INPP4B: variants seen among roughly 807,000 people sequenced by gnomAD.
INPP4B encodes inositol polyphosphate 4-phosphatase type II.
In INPP4B, 55 loss-of-function variants were observed where a neutral mutation model predicts 122.5. The ratio of observed to expected loss-of-function variants is 0.45; its 90% CI spans 0.36 to 0.56. INPP4B has a LOEUF of 0.56. INPP4B is among the 20% of genes least tolerant of loss of function. The probability of loss-of-function intolerance (pLI) is 0.00; values close to 1 mark genes in which losing one functional copy is unlikely to be tolerated. For missense variants in INPP4B, 1,000 were observed against 1,097.7 expected (o/e 0.91, Z 1.26); for synonymous variants, 403 against 388.7 (o/e 1.04, Z -0.43).
intron 7 of INPP4B, among the ~76,000 whole-genome samples, chr4:142,333,010 CA>C (rs1158290884): frequency 0.055 from 2,380 of 43,372 alleles, 72 homozygotes; most frequent in African/African-American, 0.16. Context: ...GACTCCGTCT[CA>C]AAAAAAAAAA....
At chr4:142,364,528 T>C (rs1033037443) in intron 7 of INPP4B, among the ~76,000 whole-genome samples, 13 of 152,016 alleles carry the variant, frequency 8.6e-5, no homozygotes, top group Admixed American at 6.6e-4. Context: ...ATCTTCCCTG[T>C]GTCCATCTAA....
chr4:142,314,425 A>C (rs1486609373), intron 8 of INPP4B, among the ~76,000 whole-genome samples: 1 of 152,148 alleles, frequency 6.6e-6, no homozygotes, highest in Non-Finnish European at 1.5e-5. Context: ...GTTGGTCCAG[A>C]AATCTTGGCT....
In INPP4B at chr4:142,667,370, G is replaced by A. The variant is rs569459713; in HGVS notation, c.-191+58469C>T. ...CTTCCACCATCATGTACCTCTTGAT[G>A]CTAGCAGAATATGGCTCCATAAAGT... On this transcript the variant is annotated intron_variant, in intron 2 of 25. Coordinates refer to ENST00000262992, the MANE Select transcript of INPP4B (RefSeq NM_001101669.3). 1.1e-4 allele frequency among the ~76,000 whole-genome samples: 17 copies of A among 152,244 alleles called. No homozygotes were observed. In the East Asian group the frequency reaches 1.9e-3, roughly 17 times the overall value.
At chr4:142,422,620 C>T (rs1807179220) in intron 5 of INPP4B, among the ~76,000 whole-genome samples, 1 of 151,932 alleles carries the variant, frequency 6.6e-6, no homozygotes, top group Admixed American at 6.6e-5. Flanking sequence ...ACCTGGGCAA[C>T]ATAGTGAGAA....
At chr4:142,047,891 G>A (rs945731692) in intron 25 of INPP4B, among the ~76,000 whole-genome samples, 1 of 152,012 alleles carries the variant, frequency 6.6e-6, no homozygotes, top group Non-Finnish European at 1.5e-5. Context: ...CTGCCACTGT[G>A]GCTGCTGTTG....
chr4:142,613,865 A>G (rs1743100783), intron 2 of INPP4B, among the ~76,000 whole-genome samples: 2 of 152,182 alleles, frequency 1.3e-5, no homozygotes. Flanking sequence ...TTATTTGCAA[A>G]TGGTAAGTCC....
intron 2 of INPP4B, among the ~76,000 whole-genome samples, chr4:142,567,581 G>C (rs1731906171): frequency 6.6e-6 from 1 of 152,070 alleles, no homozygotes; most frequent in Admixed American, 6.5e-5. Flanking sequence ...TGAAAATGTT[G>C]AATAAATATA....
At chr4:142,312,333 C>T (rs894478569) in intron 8 of INPP4B, among the ~76,000 whole-genome samples, 3 of 152,030 alleles carry the variant, frequency 2.0e-5, no homozygotes, top group Admixed American at 6.6e-5. Context: ...GGAAGGTGTC[C>T]GATTTCAGAG....
intron 10 of INPP4B, among the ~76,000 whole-genome samples, chr4:142,264,002 A>G (rs902451409): frequency 1.3e-5 from 2 of 152,014 alleles, no homozygotes; most frequent in African/African-American, 4.8e-5. Flanking sequence ...AGAAGTAATG[A>G]AGTTCCCAGG....
intron 17 of INPP4B, among the ~76,000 whole-genome samples, chr4:142,152,985 T>C (rs866005193): frequency 7.9e-5 from 12 of 152,328 alleles, no homozygotes; most frequent in Admixed American, 3.3e-4. Context: ...AAAACTATAC[T>C]ATAAGAAGTT....
intron 2 of INPP4B, among the ~76,000 whole-genome samples, chr4:142,463,003 T>A (rs1343234577): frequency 6.6e-6 from 1 of 152,238 alleles, no homozygotes; most frequent in Non-Finnish European, 1.5e-5. Flanking sequence ...CCAGGCACTA[T>A]ATTAAGTTAC....
At chr4:142,275,218 T>C (rs1456140586) in intron 9 of INPP4B, among the ~76,000 whole-genome samples, 1 of 151,586 alleles carries the variant, frequency 6.6e-6, no homozygotes, top group Non-Finnish European at 1.5e-5. Flanking sequence ...AACTTCTTTC[T>C]CACCAATTCT....
Position 142,614,994 on chromosome 4 carries a change from G to T in INPP4B, c.-191+110845C>A, listed in dbSNP as rs552844735. ...GGAAGACAGTATGGAGATTTCTAAA[G>T]AACTAAAAATAGAACTACCCTTTGA... On this transcript the variant is annotated intron_variant, in intron 2 of 25. Transcript: ENST00000262992. Among the ~76,000 whole-genome samples, 7 of 152,182 alleles carry T rather than the reference G, an allele frequency of 4.6e-5. No individual in the cohort carries two copies. In the South Asian group the frequency reaches 1.2e-3, roughly 27 times the overall value.
intron 1 of INPP4B, among the ~76,000 whole-genome samples, chr4:142,749,316 A>T (rs1250543343): frequency 6.8e-6 from 1 of 147,842 alleles, no homozygotes; most frequent in African/African-American, 2.5e-5. Flanking sequence ...ATGTTTATTT[A>T]TATATATATG....
At chr4:142,385,315 AT>A (rs1241077212) in intron 7 of INPP4B, among the ~76,000 whole-genome samples, 1 of 150,690 alleles carries the variant, frequency 6.6e-6, no homozygotes, top group Non-Finnish European at 1.5e-5. Context: ...CTGGTGTGAG[AT>A]GGTATCTCAT....
chr4:142,053,947 G>A (rs1229973037), intron 25 of INPP4B, among the ~76,000 whole-genome samples: 1 of 152,036 alleles, frequency 6.6e-6, no homozygotes, highest in African/African-American at 2.4e-5. Flanking sequence ...CTAAAGGAAC[G>A]AGTTCATTTT....
chr4:142,785,162 T>A (rs766264934), intron 1 of INPP4B, among the ~76,000 whole-genome samples: 2 of 151,984 alleles, frequency 1.3e-5, no homozygotes, highest in African/African-American at 2.4e-5. Flanking sequence ...TTAGAGGAAA[T>A]TTAAGCCTCT....
At chr4:142,193,311 T>C (rs1836787906) in intron 14 of INPP4B, 116 bp from the exon 15 acceptor site, 1 of 638,482 alleles carries the variant, frequency 1.6e-6, no homozygotes, top group Admixed American at 2.7e-5. Context: ...GTTTAATTTT[T>C]TAGGAATAAC....
At chr4:142,313,865 T>C (rs1766467450) in intron 8 of INPP4B, among the ~76,000 whole-genome samples, 1 of 152,294 alleles carries the variant, frequency 6.6e-6, no homozygotes, top group Middle Eastern at 3.4e-3. Flanking sequence ...CTCAGTCAAG[T>C]CAAACTTTGG....
Sources: allele counts gnomAD v4.1 joint callset (sites outside exome capture counted in the v4.1 genomes callset), GRCh38; gene constraint gnomAD v4.1.1; transcripts MANE v1.5; gene names NCBI Gene and HGNC (gene_info 2026-07-23, HGNC 2026-07-21).